Variants in EIF4EBP1 observed in about 807,000 individuals in gnomAD.
EIF4EBP1 encodes the protein eukaryotic translation initiation factor 4E binding protein 1, also known as eukaryotic translation initiation factor 4E-binding protein 1.
Under a neutral mutation model 9.2 loss-of-function variants are expected in EIF4EBP1, and 5 were observed. The observed-to-expected ratio is 0.54, with a 90% CI of 0.28 to 1.14. The LOEUF (loss-of-function observed/expected upper bound fraction) is 1.14, where lower values mean the gene tolerates loss of function less well. EIF4EBP1 is among the 50% of genes most tolerant of loss of function. The probability of loss-of-function intolerance (pLI) is 0.09; values close to 1 mark genes in which losing one functional copy is unlikely to be tolerated. For synonymous variants in EIF4EBP1, 62 were observed against 67.0 expected (o/e 0.93, Z 0.36); for missense variants, 139 against 169.6 (o/e 0.82, Z 1.00).
chr8:38,059,133 G>C (rs1809635470), intron 2 of EIF4EBP1, among the ~76,000 whole-genome samples: 1 of 152,094 alleles, frequency 6.6e-6, no homozygotes, highest in Non-Finnish European at 1.5e-5. Context: ...ATATAGTCTG[G>C]ATATTTGTCC....
At chr8:38,036,094 C>T (rs1465772897) in intron 1 of EIF4EBP1, among the ~76,000 whole-genome samples, 1 of 152,144 alleles carries the variant, frequency 6.6e-6, no homozygotes, top group Non-Finnish European at 1.5e-5. Flanking sequence ...CAGCATCCGC[C>T]TCCTGAGTTC....
At chr8:38,056,663 CTTTTTT>C (rs575250125) in intron 1 of EIF4EBP1, among the ~76,000 whole-genome samples, 1 of 130,774 alleles carries the variant, frequency 7.6e-6, no homozygotes, top group East Asian at 2.2e-4. Context: ...ACTACTCTGG[CTTTTTT>C]TTTTTTTTTT....
chr8:38,036,558 A>G (rs995032771), intron 1 of EIF4EBP1, among the ~76,000 whole-genome samples: 8 of 152,338 alleles, frequency 5.3e-5, no homozygotes, highest in African/African-American at 1.7e-4. Context: ...GGGTCAGCAG[A>G]GCAATACCAT....
chr8:38,053,162 G>C lies in EIF4EBP1; in HGVS notation c.146-3919G>C, dbSNP rs555455375. 8.9e-4 allele frequency among the ~76,000 whole-genome samples: 135 copies of C among 151,426 alleles called. 2 individuals are homozygous for C. Among genetic ancestry groups the C allele is most frequent in the African/African-American group, 3.1e-3 (128 of 41,286 alleles). ...CCTCCCAAGTAGCTGGGATTACAGG[G>C]GTGTGCCACCACGCCCAGCTAATTT... On this transcript the variant is annotated intron_variant, in intron 1 of 2. Transcript: ENST00000338825.
At chr8:38,031,980 G>T (rs889306252) in intron 1 of EIF4EBP1, among the ~76,000 whole-genome samples, 1 of 152,120 alleles carries the variant, frequency 6.6e-6, no homozygotes, top group Non-Finnish European at 1.5e-5. Flanking sequence ...TGCCATTCCC[G>T]ACTCATCCTC....
chr8:38,033,423 G>A (rs950198229), intron 1 of EIF4EBP1, among the ~76,000 whole-genome samples: 3 of 151,296 alleles, frequency 2.0e-5, no homozygotes, highest in Non-Finnish European at 4.4e-5. Flanking sequence ...CACACTCTGA[G>A]TACTCAGGAA....
intron 2 of EIF4EBP1, among the ~76,000 whole-genome samples, chr8:38,057,981 C>T (rs1585533033): frequency 1.3e-5 from 2 of 152,146 alleles, no homozygotes; most frequent in East Asian, 3.9e-4. Flanking sequence ...GATTGGAACC[C>T]GCCGACCCTT....
At chr8:38,040,698 C>T (rs1466003208) in intron 1 of EIF4EBP1, among the ~76,000 whole-genome samples, 1 of 152,186 alleles carries the variant, frequency 6.6e-6, no homozygotes, top group Non-Finnish European at 1.5e-5. Context: ...CTTGGTCTCC[C>T]AACATTCTGA....
intron 2 of EIF4EBP1, among the ~76,000 whole-genome samples, chr8:38,058,061 C>G (rs927725919): frequency 6.6e-6 from 1 of 152,186 alleles, no homozygotes; most frequent in African/African-American, 2.4e-5. Flanking sequence ...GCTCTGCTAA[C>G]AGCAGCAGAA....
At chr8:38,059,278 T>C (rs1809636941) in intron 2 of EIF4EBP1, among the ~76,000 whole-genome samples, 1 of 152,142 alleles carries the variant, frequency 6.6e-6, no homozygotes, top group Non-Finnish European at 1.5e-5. Context: ...TCTCGAGATC[T>C]GGTTGTTGTA....
chr8:38,039,951 C>T (rs564335088), intron 1 of EIF4EBP1, among the ~76,000 whole-genome samples: 7 of 152,206 alleles, frequency 4.6e-5, no homozygotes, highest in Admixed American at 2.6e-4. Flanking sequence ...TACAGTGGCG[C>T]GATCACCACT....
Position 38,030,572 on chromosome 8 carries a change from C to T in EIF4EBP1, c.-2C>T, listed in dbSNP as rs146327581. The T allele has an allele frequency of 0.015, 22,868 of 1,514,688 alleles. 258 individuals carry two copies. Among genetic ancestry groups the T allele is most frequent in the South Asian group, 0.033 (2,742 of 82,060 alleles). 93.8% of individuals were successfully genotyped at this position (1,514,688 alleles called of 1,614,324 possible). On this transcript the variant is annotated 5_prime_UTR_variant, in exon 1 of 3. Coordinates refer to ENST00000338825, the MANE Select transcript of EIF4EBP1 (RefSeq NM_004095.4). ...GTTCGCGGGTGCAGCGCACAGGAGA[C>T]CATGTCCGGGGGCAGCAGCTGCAGC...
intron 1 of EIF4EBP1, among the ~76,000 whole-genome samples, chr8:38,056,697 G>T (rs903678160): frequency 6.8e-6 from 1 of 146,178 alleles, no homozygotes; most frequent in Non-Finnish European, 1.5e-5. Flanking sequence ...AAGGAGTCTC[G>T]CTCTGTTACC....
chr8:38,031,785 G>T (rs1158452366), intron 1 of EIF4EBP1, among the ~76,000 whole-genome samples: 1 of 152,186 alleles, frequency 6.6e-6, no homozygotes, highest in African/African-American at 2.4e-5. Flanking sequence ...TAGGGATCTT[G>T]TCCAGCCCTG....
chr8:38,048,298 T>C (rs1268604974), intron 1 of EIF4EBP1, among the ~76,000 whole-genome samples: 2 of 151,970 alleles, frequency 1.3e-5, no homozygotes, highest in Non-Finnish European at 2.9e-5. Context: ...TAAACTAAAA[T>C]TAAAAGTAAA....
chr8:38,057,131 C>A lies in EIF4EBP1; in HGVS notation c.196C>A (p.Pro66Thr), dbSNP rs142573293. 8.0e-5 allele frequency: 129 copies of A among 1,614,092 alleles called. No individual in the cohort carries two copies. The highest frequency in any genetic ancestry group is 3.3e-4 in the Middle Eastern group (2 of 6,084). ...RKFLMECRNS[P>T]VTKTPPRDLP... ...ATTCCTGATGGAGTGTCGGAACTCA[C>A]CTGTGACCAAAACACCCCCAAGGGA... Residue 66 changes from proline to threonine, a missense_variant, in exon 2 of 3, where the codon CCT (proline) becomes ACT (threonine). Pro to Thr is a conservative substitution (Grantham distance 38). Coordinates refer to ENST00000338825, the MANE Select transcript of EIF4EBP1 (RefSeq NM_004095.4).
Position 38,030,595 on chromosome 8 carries a change from A to G in EIF4EBP1, c.22A>G (p.Ser8Gly), listed in dbSNP as rs1208512188. The G allele has an allele frequency of 6.6e-7, 1 of 1,515,742 alleles. No individual in the cohort carries two copies. The highest frequency in any genetic ancestry group is 1.2e-5 in the South Asian group (1 of 82,134). The allele number at this position is 1,515,742 out of a possible 1,614,324, so 93.9% of individuals were successfully genotyped here. ...GACCATGTCCGGGGGCAGCAGCTGC[A>G]GCCAGACCCCAAGCCGGGCCATCCC... MSGGSSCSQTPSRAIPAT... is the reference protein window; with the variant it reads MSGGSSCGQTPSRAIPAT... Residue 8 changes from serine (S) to glycine (G), a missense_variant, in exon 1 of 3, where the codon AGC (serine) becomes GGC (glycine). Transcript: ENST00000338825.
chr8:38,047,626 A>G (rs2130391109), intron 1 of EIF4EBP1, among the ~76,000 whole-genome samples: 1 of 152,174 alleles, frequency 6.6e-6, no homozygotes, highest in Non-Finnish European at 1.5e-5. Context: ...CTGGGATTAC[A>G]GGCACATGCC....
chr8:38,032,873 T>G (rs1248337087), intron 1 of EIF4EBP1, among the ~76,000 whole-genome samples: 1 of 152,132 alleles, frequency 6.6e-6, no homozygotes, highest in Non-Finnish European at 1.5e-5. Context: ...AGCCCACCTC[T>G]GCCAGGGCAG....
Sources: gnomAD v4.1 joint callset for allele counts (sites outside exome capture counted in the v4.1 genomes callset) on GRCh38, gnomAD v4.1.1 for gene constraint, MANE v1.5 for transcripts, NCBI Gene and HGNC (gene_info 2026-07-23, HGNC 2026-07-21) for gene names.